P3H4: variants seen among roughly 807,000 people sequenced by gnomAD.
P3H4 encodes prolyl 3-hydroxylase family member 4 (inactive).
In P3H4, 47 loss-of-function variants were observed where a neutral mutation model predicts 52.9. The ratio of observed to expected loss-of-function variants is 0.89; its 90% CI spans 0.70 to 1.13. The LOEUF (loss-of-function observed/expected upper bound fraction) is 1.13. P3H4 is among the 50% of genes most tolerant of loss of function. P3H4 has a pLI of 0.00. For missense variants in P3H4, 585 were observed against 611.0 expected (o/e 0.96, Z 0.45); for synonymous variants, 256 against 267.9 (o/e 0.96, Z 0.44).
In P3H4 at chr17:41,810,169, C is replaced by CTTTTT. The variant is rs71155170; in HGVS notation, c.788-340_788-336dup. On this transcript the variant is annotated intron_variant, in intron 3 of 7. Transcript: ENST00000393928. ...CCAAACAGAGAAGCTAAAGGACAGTCTTTTTTTTTTTTTTTTTTTTTTGAG... is the reference window on the plus strand; with the variant it reads ...CCAAACAGAGAAGCTAAAGGACAGTCTTTTTTTTTTTTTTTTTTTTTTTTTTTGAG... Among the ~76,000 whole-genome samples the CTTTTT allele has an allele frequency of 3.3e-3, 387 of 116,872 alleles. 6 individuals carry two copies. The highest frequency in any genetic ancestry group is 0.012 in the African/African-American group (350 of 30,154). 76.7% of individuals were successfully genotyped at this position (116,872 alleles called of 152,430 possible).
chr17:41,808,492 A>G (rs2047697446), intron 4 of P3H4, among the ~76,000 whole-genome samples: 1 of 151,788 alleles, frequency 6.6e-6, no homozygotes, highest in African/African-American at 2.4e-5. Flanking sequence ...GGCTCAAGCA[A>G]TCCTCCCACC....
chr17:41,809,848 G>A lies in P3H4; in HGVS notation c.788-14C>T, dbSNP rs1555614713. ...CTGCAAAGAGATCTGAGGGTGGGAG[G>A]CAGCAGTGAGAGGCTGGCATTGCAA... On this transcript the variant is annotated splice_polypyrimidine_tract_variant and intron_variant, in intron 3 of 7. Transcript: ENST00000393928. 6.2e-7 allele frequency: 1 copy of A among 1,605,840 alleles called. No individual in the cohort carries two copies. Among genetic ancestry groups the A allele is most frequent in the Non-Finnish European group, 8.5e-7 (1 of 1,174,232 alleles).
At chr17:41,808,643 C>A (rs1794244432) in intron 4 of P3H4, among the ~76,000 whole-genome samples, 1 of 152,168 alleles carries the variant, frequency 6.6e-6, no homozygotes, top group Non-Finnish European at 1.5e-5. Flanking sequence ...CCTGCCTGGG[C>A]CTCCCAAAGT....
In P3H4 at chr17:41,810,885, C is replaced by T. The variant is rs148029541; in HGVS notation, c.765G>A (p.Lys255=). Residue 255 remains lysine, a synonymous_variant, in exon 3 of 8, where the codon AAG becomes AAA. Transcript: ENST00000393928. ...CEGAHEQVDF[K]DFYPAIADLF... Reference sequence around the variant, plus strand: ...TACCTGCTATGGCCGGGTAGAAGTCCTTGAAGTCCACCTGCTCATGGGCCC... The same window carrying T: ...TACCTGCTATGGCCGGGTAGAAGTCTTTGAAGTCCACCTGCTCATGGGCCC... 4.3e-4 allele frequency: 688 copies of T among 1,613,938 alleles called. 3 individuals are homozygous for T. In the African/African-American group the frequency reaches 8.0e-3, roughly 19 times the overall value.
Position 41,809,705 on chromosome 17 carries a change from C to G in P3H4, c.916+1G>C. ...CAAGCCAGCCCACCCAGGGGGCTCA[C>G]ACTTATAGTAGGCAAACTGCAGGTA... On this transcript the variant is annotated splice_donor_variant, in intron 4 of 7. Transcript: ENST00000393928. LOFTEE classifies it high-confidence loss of function. The G allele has an allele frequency of 6.2e-7, 1 of 1,612,908 alleles. No individual in the cohort carries two copies. The highest frequency in any genetic ancestry group is 8.5e-7 in the Non-Finnish European group (1 of 1,179,700).
Position 41,811,464 on chromosome 17 carries a change from G to A in P3H4, c.452C>T (p.Ala151Val). 1 of 1,612,270 alleles carries A rather than the reference G, an allele frequency of 6.2e-7. No individual in the cohort carries two copies. Among genetic ancestry groups the A allele is most frequent in the Non-Finnish European group, 8.5e-7 (1 of 1,179,732 alleles). The change falls in exon 1 of 8, where the codon GCG becomes GTG. Residue 151 changes from alanine (A) to valine (V), a missense_variant. Physicochemically the swap from Ala to Val is moderately conservative, Grantham distance 64. Transcript: ENST00000393928. This position sits in a 1 kb window ranked among gnomAD's most constrained non-coding sequence, Gnocchi z 4.8. ...GGGGCGGGCTCCCACCTTGAACAGC[G>A]CGTAGTGCAGGTACTGGTAGGGCAG... ...SRLPYQYLHY[A>V]LFKANRLEKA...
rs1394874611 is a variant in P3H4 at position 41,811,091 on chromosome 17, T to C, written c.615+41A>G. ...GCCCCCAACATCTCCCCTCCTCTAC[T>C]AGCCCTCCTCTACAAGCCTCCTCCT... On this transcript the variant is annotated intron_variant, in intron 2 of 7. Transcript: ENST00000393928. This position sits in a 1 kb window ranked among gnomAD's most constrained non-coding sequence, Gnocchi z 4.8. 2.5e-5 allele frequency: 41 copies of C among 1,612,304 alleles called. No individual in the cohort carries two copies. The Admixed American group carries it at 6.7e-4, about 26-fold the overall frequency.
rs1216933829 is a variant in P3H4, at chr17:41,803,076, C to T, written c.1292-97G>A. On this transcript the variant is annotated intron_variant, in intron 7 of 7. Coordinates refer to ENST00000393928, the MANE Select transcript of P3H4 (RefSeq NM_006455.3). ...GATGGGAGGTGGGGTGAGGCTCCCC[C>T]GGACAGGTCTCAGCTGGTCCCAGCT... 19 of 1,483,930 alleles carry T rather than the reference C, an allele frequency of 1.3e-5. No individual in the cohort carries two copies. In the African/African-American group the frequency reaches 1.4e-4, roughly 11 times the overall value. 91.9% of individuals were successfully genotyped at this position (1,483,930 alleles called of 1,614,324 possible). A position where few individuals can be genotyped will look rare whatever the true frequency, so the allele number is the denominator to read the frequency against.
In P3H4 at chr17:41,811,065, C is replaced by A. The variant is rs1294988756; in HGVS notation, c.616-31G>T. On this transcript the variant is annotated intron_variant, in intron 2 of 7. Coordinates refer to ENST00000393928, the MANE Select transcript of P3H4 (RefSeq NM_006455.3). This position sits in a 1 kb window ranked among gnomAD's most constrained non-coding sequence, Gnocchi z 4.8. ...AGGGGCGTGGCAGGGGGAGTCAGGG[C>A]GCCCCCAACATCTCCCCTCCTCTAC... is the stretch of plus-strand genomic sequence containing the variant. 3 of 1,606,906 alleles carry A rather than the reference C, an allele frequency of 1.9e-6. No individual in the cohort carries two copies. The highest frequency in any genetic ancestry group is 4.5e-5 in the East Asian group (2 of 44,702).
In P3H4 at chr17:41,811,707, C is replaced by T. The variant is rs1555615231; in HGVS notation, c.209G>A (p.Arg70His). The T allele has an allele frequency of 6.8e-7, 1 of 1,480,822 alleles. No individual in the cohort carries two copies. Among genetic ancestry groups the T allele is most frequent in the Admixed American group, 2.5e-5 (1 of 40,580 alleles). The allele number at this position is 1,480,822 out of a possible 1,614,324, so 91.7% of individuals were successfully genotyped here. ...EAALRLHRLL[R>H]DSEAFCHANC... ...GGCGTGGCAGAAGGCCTCGCTGTCG[C>T]GCAGGAGCCGGTGCAGCCGCAGCGC... is the stretch of plus-strand genomic sequence containing the variant. Residue 70 changes from arginine (R) to histidine (H), a missense_variant, in exon 1 of 8, where the codon CGC (arginine) becomes CAC (histidine). Transcript: ENST00000393928. The surrounding 1 kb of genome is among the most constrained non-coding windows in gnomAD (Gnocchi z 4.8).
chr17:41,807,785 A>T, intron 5 of P3H4, 74 bp downstream of exon 5: 1 of 1,540,304 alleles, frequency 6.5e-7, no homozygotes. Context: ...GGCATGAGCC[A>T]CCGCGCCCGG....
chr17:41,807,489 T>A (rs1476704909), intron 5 of P3H4: 1 of 155,284 alleles, frequency 6.4e-6, no homozygotes, highest in African/African-American at 2.4e-5. Context: ...GTTTATTTTT[T>A]ATTATTTATT....
rs955852104 is a variant in P3H4, at chr17:41,811,556, C to T, written c.360G>A (p.Lys120=). ...GCACCTGGAAGGCGGGCAGCGTCCG[C>T]TTGCAGCGCCGCAGGCAGGCGGCTC... ...LERAACLRRC[K]RTLPAFQVPY... The change falls in exon 1 of 8, where the codon AAG becomes AAA. Residue 120 remains lysine, a synonymous_variant. Coordinates refer to ENST00000393928, the MANE Select transcript of P3H4 (RefSeq NM_006455.3). The surrounding 1 kb of genome is among the most constrained non-coding windows in gnomAD (Gnocchi z 4.8). 6.2e-7 allele frequency: 1 copy of T among 1,608,308 alleles called. No individual in the cohort carries two copies.
At position 41,811,830 on chromosome 17, in the gene P3H4, G is replaced by C. The variant is rs1175435542; in HGVS notation, c.86C>G (p.Pro29Arg). The C allele has an allele frequency of 3.2e-6, 5 of 1,545,470 alleles. No individual in the cohort carries two copies. The highest frequency in any genetic ancestry group is 2.8e-5 in the African/African-American group (2 of 70,786). ...GGCCAGCGGCATCAGGTCCTCGGGCGGGAAGCCCCGGAAGCTGTACTTCTC... is the reference window on the plus strand; with the variant it reads ...GGCCAGCGGCATCAGGTCCTCGGGCCGGAAGCCCCGGAAGCTGTACTTCTC... ...QYEKYSFRGF[P>R]PEDLMPLAAA... Residue 29 changes from proline to arginine, a missense_variant, in exon 1 of 8, where the codon CCG becomes CGG. Transcript: ENST00000393928. This position sits in a 1 kb window ranked among gnomAD's most constrained non-coding sequence, Gnocchi z 4.8.
At chr17:41,803,117 C>A in intron 7 of P3H4, 138 bp from the exon 8 acceptor site, 1 of 1,411,252 alleles carries the variant, frequency 7.1e-7, no homozygotes, top group South Asian at 1.3e-5. Context: ...GGAGATGCTG[C>A]ACCACCACCC....
chr17:41,802,182 T>G lies in P3H4; in HGVS notation c.*775A>C, dbSNP rs1555613599. ...CCAACCTGCAATGCCACCACCATCC[T>G]GTGGTCCAGAGACATAGAAGTGGCA... On this transcript the variant is annotated 3_prime_UTR_variant, in exon 8 of 8. Transcript: ENST00000393928. 1 of 152,250 alleles carries G rather than the reference T, an allele frequency of 6.6e-6. No individual in the cohort carries two copies. Among genetic ancestry groups the G allele is most frequent in the East Asian group, 1.9e-4 (1 of 5,204 alleles). The allele number at this position is 152,250 out of a possible 1,614,324, so 9.4% of individuals were successfully genotyped here. A position where few individuals can be genotyped will look rare whatever the true frequency, so the allele number is the denominator to read the frequency against.
chr17:41,808,017 A>G lies in P3H4; in HGVS notation c.917-13T>C, dbSNP rs1357015972. 2.5e-6 allele frequency: 4 copies of G among 1,608,780 alleles called. No homozygotes were observed. In the African/African-American group the frequency reaches 4.0e-5, roughly 16 times the overall value. ...CGCACATCATTCACTGCAGCAGGAC[A>G]GGGGTGAGGAATTGCTCTGGCACTT... On this transcript the variant is annotated splice_polypyrimidine_tract_variant and intron_variant, in intron 4 of 7. Transcript: ENST00000393928.
At position 41,811,221 on chromosome 17, in the gene P3H4, C is replaced by T. The variant is rs1207653916; in HGVS notation, c.526G>A (p.Glu176Lys). ...TAGTTGAGATACTTGGCGGTCAGCT[C>T]GTGCTTCGGGTTCCTCTGGAGGAAG... ...YTFLQRNPKH[E>K]LTAKYLNYYQ... Residue 176 changes from glutamate (E) to lysine (K), a missense_variant, in exon 2 of 8, where the codon GAG becomes AAG. Physicochemically the swap from Glu to Lys is moderately conservative, Grantham distance 56. Coordinates refer to ENST00000393928, the MANE Select transcript of P3H4 (RefSeq NM_006455.3). The surrounding 1 kb of genome is among the most constrained non-coding windows in gnomAD (Gnocchi z 4.8). 2.5e-6 allele frequency: 4 copies of T among 1,613,964 alleles called. No homozygotes were observed. Among genetic ancestry groups the T allele is most frequent in the Admixed American group, 1.7e-5 (1 of 59,996 alleles).
intron 6 of P3H4, among the ~76,000 whole-genome samples, chr17:41,804,261 C>T (rs569540210): frequency 6.6e-6 from 1 of 151,972 alleles, no homozygotes; most frequent in Admixed American, 6.6e-5. Context: ...AGGACCATGA[C>T]TTTCACTAAC....
Sources: allele counts gnomAD v4.1 joint callset (sites outside exome capture counted in the v4.1 genomes callset), GRCh38; gene constraint gnomAD v4.1.1; non-coding constraint Gnocchi (gnomAD v3.1); transcripts MANE v1.5; gene names NCBI Gene and HGNC (gene_info 2026-07-23, HGNC 2026-07-21).